NUF2: variants seen among roughly 807,000 people sequenced by gnomAD.
NUF2 encodes the protein kinetochore protein Nuf2.
Under a neutral mutation model 61.8 loss-of-function variants are expected in NUF2, and 34 were observed. The observed-to-expected ratio is 0.55, with a 90% CI of 0.42 to 0.73. NUF2 has a LOEUF of 0.73. Among genes scored for constraint, NUF2 ranks in the 30% least tolerant of loss-of-function variants. The probability of loss-of-function intolerance (pLI) is 0.00; values close to 1 mark genes in which losing one functional copy is unlikely to be tolerated. For synonymous variants in NUF2, 172 were observed against 181.6 expected (o/e 0.95, Z 0.42); for missense variants, 445 against 539.1 (o/e 0.83, Z 1.73).
Position 163,328,831 on chromosome 1 carries a change from T to C in NUF2, c.276-15T>C. Reference sequence around the variant, plus strand: ...AAAATACTTTTCAATAGTCTTTTTGTACTTCATCTTCAAGGGACTCATTTT... The same window carrying C: ...AAAATACTTTTCAATAGTCTTTTTGCACTTCATCTTCAAGGGACTCATTTT... On this transcript the variant is annotated splice_polypyrimidine_tract_variant and intron_variant, in intron 4 of 13. Coordinates refer to ENST00000271452, the MANE Select transcript of NUF2 (RefSeq NM_145697.3). The C allele has an allele frequency of 1.3e-6, 2 of 1,551,640 alleles. No homozygotes were observed. Among genetic ancestry groups the C allele is most frequent in the Non-Finnish European group, 1.8e-6 (2 of 1,123,776 alleles).
intron 1 of NUF2, among the ~76,000 whole-genome samples, chr1:163,324,564 C>A (rs1650348958): frequency 1.3e-5 from 2 of 152,264 alleles, no homozygotes; most frequent in South Asian, 4.1e-4. Context: ...TGGCCCATTT[C>A]AATTTGTTTG....
At chr1:163,324,253 A>G (rs1346374864) in intron 1 of NUF2, among the ~76,000 whole-genome samples, 1 of 152,256 alleles carries the variant, frequency 6.6e-6, no homozygotes, top group Non-Finnish European at 1.5e-5. Flanking sequence ...AGAGATTAAT[A>G]TATTCTATTT....
intron 13 of NUF2, among the ~76,000 whole-genome samples, chr1:163,352,074 T>C (rs2101693204): frequency 6.7e-6 from 1 of 150,274 alleles, no homozygotes; most frequent in South Asian, 2.1e-4. Flanking sequence ...TTGCTCAACT[T>C]CTTCATAAAT....
At chr1:163,328,995 G>C in intron 5 of NUF2, 88 bp downstream of exon 5, 8 of 609,174 alleles carry the variant, frequency 1.3e-5, no homozygotes, top group Non-Finnish European at 8.2e-6. Flanking sequence ...AAAAAAAAAG[G>C]AAAAAAACAA....
rs1650511096 is a variant in NUF2 at position 163,328,876 on chromosome 1, T to C, written c.306T>C (p.Asn102=). 1 of 1,608,298 alleles carries C rather than the reference T, an allele frequency of 6.2e-7. No homozygotes were observed. Among genetic ancestry groups the C allele is most frequent in the Admixed American group, 1.7e-5 (1 of 59,756 alleles). The change falls in exon 5 of 14, where the codon AAT becomes AAC. Residue 102 remains asparagine (N), a synonymous_variant. Coordinates refer to ENST00000271452, the MANE Select transcript of NUF2 (RefSeq NM_145697.3). ...LDSFLPICRV[N]DFETADILCP... ...CATTTTTGCCTATCTGCCGGGTGAA[T>C]GACTTTGAGACTGCTGATATTCTAT...
chr1:163,325,979 A>G (rs1650403353), intron 1 of NUF2, 53 bp from the exon 2 acceptor site: 1 of 1,400,704 alleles, frequency 7.1e-7, no homozygotes, highest in Non-Finnish European at 1.0e-6. Context: ...TAGTTTCCAG[A>G]TAATGAGAAC....
At chr1:163,331,908 C>G (rs1650610338) in intron 5 of NUF2, among the ~76,000 whole-genome samples, 1 of 151,686 alleles carries the variant, frequency 6.6e-6, no homozygotes, top group Non-Finnish European at 1.5e-5. Flanking sequence ...CAGCTTATCA[C>G]TTTTCAAAGA....
chr1:163,327,635 C>T, intron 3 of NUF2, 73 bp downstream of exon 3: 1 of 896,960 alleles, frequency 1.1e-6, no homozygotes, highest in East Asian at 2.4e-5. Flanking sequence ...TGCAGTTCTG[C>T]TTACAATGCA....
chr1:163,332,549 C>A (rs1382972500), intron 5 of NUF2, among the ~76,000 whole-genome samples: 1 of 152,136 alleles, frequency 6.6e-6, no homozygotes, highest in African/African-American at 2.4e-5. Flanking sequence ...TAAGGTTGCA[C>A]TCCTTCAGAT....
chr1:163,355,003 T>C (rs975139606), intron 13 of NUF2, among the ~76,000 whole-genome samples: 1 of 152,016 alleles, frequency 6.6e-6, no homozygotes, highest in Non-Finnish European at 1.5e-5. Flanking sequence ...TCCACAGTAA[T>C]GTAGTTATTT....
chr1:163,333,245 G>T lies in NUF2; in HGVS notation c.338-3506G>T, dbSNP rs77474219. Among the ~76,000 whole-genome samples the T allele has an allele frequency of 4.7e-4, 72 of 152,124 alleles. No individual in the cohort carries two copies. The East Asian group carries it at 0.013, about 28-fold the overall frequency. ...TTTTATATTAACATAGCTACTTCAG[G>T]TTTCTTTTCATTAGTATTACCATGC... On this transcript the variant is annotated intron_variant, in intron 5 of 13. Coordinates refer to ENST00000271452, the MANE Select transcript of NUF2 (RefSeq NM_145697.3).
intron 10 of NUF2, among the ~76,000 whole-genome samples, chr1:163,345,357 G>A (rs1304942359): frequency 6.6e-6 from 1 of 152,092 alleles, no homozygotes; most frequent in Non-Finnish European, 1.5e-5. Flanking sequence ...TTGCCCAGGA[G>A]TAATCAGAAA....
chr1:163,347,027 G>T (rs908944632), intron 11 of NUF2, among the ~76,000 whole-genome samples: 2 of 152,172 alleles, frequency 1.3e-5, no homozygotes, highest in Non-Finnish European at 2.9e-5. Context: ...GGAAAGTGAA[G>T]CCATGGATAA....
At chr1:163,349,515 A>G (rs867141344) in intron 13 of NUF2, among the ~76,000 whole-genome samples, 48 of 152,216 alleles carry the variant, frequency 3.2e-4, no homozygotes, top group Admixed American at 4.6e-4. Flanking sequence ...GCTATTTATT[A>G]TGCAAAATCC....
At position 163,345,790 on chromosome 1, in the gene NUF2, G is replaced by A. The variant is rs1395239882; in HGVS notation, c.920G>A (p.Arg307Lys). Residue 307 changes from arginine (R) to lysine (K), a missense_variant, in exon 11 of 14, where the codon AGG becomes AAG. Transcript: ENST00000271452. ...QKKIQDLSDNREKLASILKES... is the reference protein window; with the variant it reads ...QKKIQDLSDNKEKLASILKES... ...AAAATACAGGACCTTTCAGATAATA[G>A]GGAAAAATTAGCCAGTATCTTAAAG... 6.2e-7 allele frequency: 1 copy of A among 1,607,256 alleles called. No homozygotes were observed. The highest frequency in any genetic ancestry group is 8.5e-7 in the Non-Finnish European group (1 of 1,175,748).
Position 163,336,813 on chromosome 1 carries a change from T to C in NUF2, c.400T>C (p.Cys134Arg), listed in dbSNP as rs1475680255. 5 of 1,612,750 alleles carry C rather than the reference T, an allele frequency of 3.1e-6. No homozygotes were observed. The African/African-American group carries it at 5.3e-5, about 17-fold the overall frequency. ...CAACTTTATTCACTTCAGAGAAGCA[T>C]GCCGTGAAACGTATATGGAATTTCT... ...IINFIHFREA[C>R]RETYMEFLWQ... The change falls in exon 6 of 14, where the codon TGC becomes CGC. Residue 134 changes from cysteine (C) to arginine (R), a missense_variant. Transcript: ENST00000271452.
At chr1:163,348,794 G>T in intron 12 of NUF2, 151 bp from the exon 13 acceptor site, 1 of 704,014 alleles carries the variant, frequency 1.4e-6, no homozygotes. Context: ...CCACACTTTG[G>T]GGTTTTCATT....
chr1:163,348,996 C>G lies in NUF2; in HGVS notation c.1176C>G (p.Thr392=). Residue 392 remains threonine (T), a synonymous_variant, in exon 13 of 14, where the codon ACC becomes ACG. Transcript: ENST00000271452. ...EKRGAVYERV[T]TINQEIQKIK... ...GAGGTGCTGTCTATGAACGAGTAAC[C>G]ACAATTAATCAAGAAATCCAAAAAA... 6.2e-7 allele frequency: 1 copy of G among 1,610,790 alleles called. No individual in the cohort carries two copies. Among genetic ancestry groups the G allele is most frequent in the Non-Finnish European group, 8.5e-7 (1 of 1,179,062 alleles).
rs1160986722 is a variant in NUF2 at position 163,338,067 on chromosome 1, G to T, written c.483G>T (p.Glu161Asp). The change falls in exon 7 of 14, where the codon GAG (glutamate) becomes GAT (aspartate). Residue 161 changes from glutamate to aspartate, a missense_variant. Coordinates refer to ENST00000271452, the MANE Select transcript of NUF2 (RefSeq NM_145697.3). ...KMQQLNAAHQ[E>D]ALMKLERLDS... ...AACAGTTAAACGCCGCACACCAGGA[G>T]GCATTAATGAAACTGGAGAGACTTG... 1.9e-6 allele frequency: 3 copies of T among 1,612,884 alleles called. No homozygotes were observed. Among genetic ancestry groups the T allele is most frequent in the African/African-American group, 1.3e-5 (1 of 74,960 alleles).
Sources: gnomAD v4.1 joint callset for allele counts (sites outside exome capture counted in the v4.1 genomes callset) on GRCh38, gnomAD v4.1.1 for gene constraint, MANE v1.5 for transcripts, NCBI Gene and HGNC (gene_info 2026-07-23, HGNC 2026-07-21) for gene names.